Variants in DNAH5 observed in about 807,000 individuals in gnomAD.
The protein encoded by DNAH5 is dynein axonemal heavy chain 5.
In DNAH5, 372 loss-of-function variants were observed where a neutral mutation model predicts 518.2. That is an observed-to-expected ratio of 0.72 (90% CI 0.66 to 0.78). The LOEUF is 0.78. Ranked by LOEUF, DNAH5 falls within the 30% of genes least tolerant of loss-of-function variation. The pLI, the probability that DNAH5 is intolerant of heterozygous loss-of-function variation, is 0.00. For synonymous variants in DNAH5, 2,039 were observed against 2,025.9 expected, an observed-to-expected ratio of 1.01 and a Z score of -0.17; for missense variants, 5,523 against 5,687.0, an observed-to-expected ratio of 0.97 and a Z score of 0.93.
chr5:13,870,474 C>A (rs1240127598), intron 24 of DNAH5, among the ~76,000 whole-genome samples: 1 of 152,136 alleles, frequency 6.6e-6, no homozygotes, highest in Non-Finnish European at 1.5e-5. Context: ...AGCTGATTGA[C>A]TTCCTTTCCT....
At chr5:13,793,492 C>G in intron 49 of DNAH5, 23 bp downstream of exon 49, 1 of 1,598,422 alleles carries the variant, frequency 6.3e-7, no homozygotes, top group Non-Finnish European at 8.6e-7. Flanking sequence ...CACCCTCCCA[C>G]CCCACATCCT....
At chr5:13,923,487 C>T in intron 3 of DNAH5, 47 bp from the exon 4 acceptor site, 2 of 1,606,882 alleles carry the variant, frequency 1.2e-6, no homozygotes, top group Non-Finnish European at 8.5e-7. Context: ...TTTTGCAGTC[C>T]ATGTGGTTCC....
intron 1 of DNAH5, among the ~76,000 whole-genome samples, chr5:13,983,492 C>T (rs990610162): frequency 6.6e-6 from 1 of 152,206 alleles, no homozygotes; most frequent in Admixed American, 6.5e-5. Context: ...CAAGAATACA[C>T]AAACACATTC....
chr5:13,865,622 C>T (rs577809290), intron 27 of DNAH5, 46 bp downstream of exon 27: 1 of 1,166,410 alleles, frequency 8.6e-7, no homozygotes, highest in Admixed American at 1.7e-5. Flanking sequence ...AAGAGGAAAG[C>T]ATTTGAAGTT....
At chr5:13,709,501 T>C (rs2126462990) in intron 75 of DNAH5, among the ~76,000 whole-genome samples, 2 of 152,246 alleles carry the variant, frequency 1.3e-5, no homozygotes, top group South Asian at 4.1e-4. Context: ...CTTTCCACAA[T>C]ACTCATTAAG....
chr5:13,816,544 G>T (rs1407805605), intron 42 of DNAH5, among the ~76,000 whole-genome samples: 3 of 135,344 alleles, frequency 2.2e-5, no homozygotes, highest in South Asian at 2.3e-4. Flanking sequence ...TTTTTTTAAT[G>T]TGGAAAGGGG....
At chr5:13,832,800 G>A (rs1363957978) in intron 35 of DNAH5, among the ~76,000 whole-genome samples, 1 of 152,104 alleles carries the variant, frequency 6.6e-6, no homozygotes, top group East Asian at 1.9e-4. Flanking sequence ...ACAGCTACAG[G>A]AATTAGAGAT....
chr5:13,741,664 G>A (rs1273926167), intron 65 of DNAH5, among the ~76,000 whole-genome samples: 1 of 152,068 alleles, frequency 6.6e-6, no homozygotes, highest in Non-Finnish European at 1.5e-5. Flanking sequence ...AATTTTTATT[G>A]CCATATTTAT....
chr5:13,913,107 C>G (rs187637080), intron 11 of DNAH5, among the ~76,000 whole-genome samples: 2 of 151,694 alleles, frequency 1.3e-5, no homozygotes, highest in African/African-American at 4.8e-5. Flanking sequence ...GTCACTGTCC[C>G]CCAAAAAAGA....
intron 17 of DNAH5, 55 bp from the exon 18 acceptor site, chr5:13,886,184 C>T: frequency 6.7e-7 from 1 of 1,501,966 alleles, no homozygotes; most frequent in Non-Finnish European, 9.0e-7. Flanking sequence ...GTTTATCTAG[C>T]TTTTGAGAGC....
intron 61 of DNAH5, among the ~76,000 whole-genome samples, 169 bp downstream of exon 61, chr5:13,758,677 C>T (rs375190303): frequency 2.6e-5 from 4 of 152,340 alleles, no homozygotes; most frequent in East Asian, 1.9e-4. Flanking sequence ...CCAGCACTGA[C>T]AGCCATCTTG....
chr5:13,809,263 AT>A (rs1260061083), intron 45 of DNAH5, 77 bp from the exon 46 acceptor site: 1 of 1,545,238 alleles, frequency 6.5e-7, no homozygotes, highest in Non-Finnish European at 8.9e-7. Flanking sequence ...CATCCTTGAA[AT>A]CTTATGAGGT....
intron 11 of DNAH5, among the ~76,000 whole-genome samples, 193 bp from the exon 12 acceptor site, chr5:13,911,686 A>G (rs1039768920): frequency 2.6e-5 from 4 of 152,186 alleles, no homozygotes; most frequent in African/African-American, 9.7e-5. Flanking sequence ...TACTGCATTC[A>G]AAGAAATCAC....
rs542551166 is a variant in DNAH5 at position 13,854,776 on chromosome 5, T to C, written c.4951-3961A>G. Among the ~76,000 whole-genome samples the C allele has an allele frequency of 7.6e-4, 115 of 152,182 alleles. 1 individual carries two copies. The highest frequency in any genetic ancestry group is 7.5e-3 in the Admixed American group (114 of 15,276). ...AAAGATCAAAAAAGACAAAGAAGGGTATTACATAATGGTAAAGGGATCAAC... is the reference window on the plus strand; with the variant it reads ...AAAGATCAAAAAAGACAAAGAAGGGCATTACATAATGGTAAAGGGATCAAC... On this transcript the variant is annotated intron_variant, in intron 30 of 78. Transcript: ENST00000265104.
rs754741677 is a variant in DNAH5 at position 13,811,611 on chromosome 5, T to A, written c.7407+36A>T. 4 of 1,597,932 alleles carry A rather than the reference T, an allele frequency of 2.5e-6. No homozygotes were observed. In the East Asian group the frequency reaches 8.9e-5, roughly 36 times the overall value. ...TCTCTGTGCAGCATGGCTAAGTTGATAAGAGAGAATTTCTCTAGAAAGTTG... is the reference window on the plus strand; with the variant it reads ...TCTCTGTGCAGCATGGCTAAGTTGAAAAGAGAGAATTTCTCTAGAAAGTTG... On this transcript the variant is annotated intron_variant, in intron 44 of 78. Transcript: ENST00000265104.
intron 65 of DNAH5, among the ~76,000 whole-genome samples, chr5:13,743,188 A>G (rs761363965): frequency 6.6e-6 from 1 of 152,042 alleles, no homozygotes; most frequent in Non-Finnish European, 1.5e-5. Flanking sequence ...AGATATATTG[A>G]TAGATAGGTA....
In DNAH5 at chr5:13,752,142, T is replaced by C. The variant is rs1750324646; in HGVS notation, c.11020A>G (p.Thr3674Ala). 1 of 1,613,956 alleles carries C rather than the reference T, an allele frequency of 6.2e-7. No individual in the cohort carries two copies. Among genetic ancestry groups the C allele is most frequent in the Non-Finnish European group, 8.5e-7 (1 of 1,179,908 alleles). The change falls in exon 64 of 79, where the codon ACC becomes GCC. Residue 3674 changes from threonine to alanine, a missense_variant. Coordinates refer to ENST00000265104, the MANE Select transcript of DNAH5 (RefSeq NM_001369.3). Reference sequence around the variant, plus strand: ...CCATAGGTTTAACCTACCTTAAAGGTAGACCCAGTTTTAATGAAGTTTCTT... The same window carrying C: ...CCATAGGTTTAACCTACCTTAAAGGCAGACCCAGTTTTAATGAAGTTTCTT... ...LERNFIKTGS[T>A]FKVKVGDKEV...
At chr5:13,774,308 G>A (rs183814129) in intron 55 of DNAH5, among the ~76,000 whole-genome samples, 1 of 152,112 alleles carries the variant, frequency 6.6e-6, no homozygotes, top group East Asian at 1.9e-4. Flanking sequence ...ATGACAAAGG[G>A]GTCTCAGGTT....
chr5:13,886,488 C>T (rs1772453593), intron 17 of DNAH5, among the ~76,000 whole-genome samples: 1 of 152,200 alleles, frequency 6.6e-6, no homozygotes, highest in Admixed American at 6.5e-5. Context: ...TGCCAACAAA[C>T]CATAGTCATC....
Sources: allele counts gnomAD v4.1 joint callset (sites outside exome capture counted in the v4.1 genomes callset), GRCh38; gene constraint gnomAD v4.1.1; transcripts MANE v1.5; gene names NCBI Gene and HGNC (gene_info 2026-07-23, HGNC 2026-07-21).